NDUFS1: variants seen among roughly 807,000 people sequenced by gnomAD.
The protein encoded by NDUFS1 is NADH-ubiquinone oxidoreductase 75 kDa subunit, mitochondrial.
A neutral mutation model predicts 84.4 loss-of-function variants in NDUFS1; 61 were observed. That is an observed-to-expected ratio of 0.72 (90% CI 0.59 to 0.89). The LOEUF (loss-of-function observed/expected upper bound fraction) is 0.89, where lower values mean the gene tolerates loss of function less well. NDUFS1 is among the 40% of genes least tolerant of loss of function. The probability of loss-of-function intolerance (pLI) is 0.00; values close to 1 mark genes in which losing one functional copy is unlikely to be tolerated. For synonymous variants in NDUFS1, 275 were observed against 290.0 expected, an observed-to-expected ratio of 0.95 and a Z score of 0.53; for missense variants, 891 against 890.0, an observed-to-expected ratio of 1.00 and a Z score of -0.01.
chr2:206,159,134 C>A lies in NDUFS1; in HGVS notation c.-5+207G>T, dbSNP rs904529124. The stretch of plus-strand genomic sequence containing the variant: ...TTCCCGAGGACCCCCTGATCCTCAT[C>A]TTCTTTTCTGCTTCATCAGACCAGA... On this transcript the variant is annotated intron_variant, in intron 1 of 18. Transcript: ENST00000233190. The A allele has an allele frequency of 3.3e-6, 5 of 1,535,618 alleles. No individual in the cohort carries two copies. In the African/African-American group the frequency reaches 6.8e-5, roughly 21 times the overall value.
chr2:206,137,394 G>A (rs184125867), intron 13 of NDUFS1, among the ~76,000 whole-genome samples: 5 of 152,070 alleles, frequency 3.3e-5, no homozygotes, highest in Admixed American at 6.5e-5. Flanking sequence ...GAATGAACCC[G>A]GGAGGCAGAG....
chr2:206,121,563 C>T lies in NDUFS1; in HGVS notation c.*2622G>A, dbSNP rs1219589151. 6.6e-6 allele frequency: 1 copy of T among 151,994 alleles called. No homozygotes were observed. Among genetic ancestry groups the T allele is most frequent in the Non-Finnish European group, 1.5e-5 (1 of 68,034 alleles). 9.4% of individuals were successfully genotyped at this position (151,994 alleles called of 1,614,324 possible). A position where few individuals can be genotyped will look rare whatever the true frequency, so the allele number is the denominator to read the frequency against. Reference sequence around the variant, plus strand: ...TTGACTCTCAGTTCAAGCGATTTTCCTGCTTCAGCCTCCCCAGTAGCTGGG... The same window carrying T: ...TTGACTCTCAGTTCAAGCGATTTTCTTGCTTCAGCCTCCCCAGTAGCTGGG... On this transcript the variant is annotated 3_prime_UTR_variant, in exon 19 of 19. Transcript: ENST00000233190.
At chr2:206,130,793 T>C (rs1466285821) in intron 14 of NDUFS1, among the ~76,000 whole-genome samples, 1 of 152,208 alleles carries the variant, frequency 6.6e-6, no homozygotes, top group Non-Finnish European at 1.5e-5. Context: ...TTGAATGAAA[T>C]AATTCTAGAA....
chr2:206,130,305 G>T, intron 14 of NDUFS1, 63 bp from the exon 15 acceptor site: 2 of 1,562,848 alleles, frequency 1.3e-6, no homozygotes, highest in Non-Finnish European at 1.8e-6. Context: ...AATTAAATGT[G>T]ATTTTTGGAA....
chr2:206,150,036 T>C (rs182731501), intron 3 of NDUFS1, 111 bp from the exon 4 acceptor site: 545 of 712,878 alleles, frequency 7.6e-4, no homozygotes, highest in Middle Eastern at 6.0e-3. Context: ...TATCTATCTA[T>C]CTATCTATCT....
At chr2:206,137,817 C>T (rs1691778617) in intron 13 of NDUFS1, among the ~76,000 whole-genome samples, 1 of 152,162 alleles carries the variant, frequency 6.6e-6, no homozygotes, top group Non-Finnish European at 1.5e-5. Flanking sequence ...TAAGGAATAA[C>T]TCCTTTTGTA....
At chr2:206,154,918 G>A (rs868647930) in intron 1 of NDUFS1, among the ~76,000 whole-genome samples, 10 of 137,206 alleles carry the variant, frequency 7.3e-5, no homozygotes, top group East Asian at 2.1e-4. Context: ...CACCGTGCCC[G>A]GCCCTTTTTT....
At position 206,127,736 on chromosome 2, in the gene NDUFS1, C is replaced by T. The variant is rs1218302843; in HGVS notation, c.1884+61G>A. 3 of 1,552,416 alleles carry T rather than the reference C, an allele frequency of 1.9e-6. No homozygotes were observed. The Admixed American group carries it at 5.0e-5, about 26-fold the overall frequency. On this transcript the variant is annotated intron_variant, in intron 16 of 18. Coordinates refer to ENST00000233190, the MANE Select transcript of NDUFS1 (RefSeq NM_005006.7). ...TCCTTGACTTTGAAAATCATTCTAACAGGCTAAAATATCAAATATGCCTTT... is the reference window on the plus strand; with the variant it reads ...TCCTTGACTTTGAAAATCATTCTAATAGGCTAAAATATCAAATATGCCTTT...
intron 1 of NDUFS1, among the ~76,000 whole-genome samples, chr2:206,154,797 G>C (rs552930468): frequency 6.6e-6 from 1 of 151,452 alleles, no homozygotes. Context: ...CTAATTTTTT[G>C]TATCTTTAGT....
chr2:206,116,117 T>A lies in NDUFS1; in HGVS notation c.*8068A>T. ...TATTTAGTGGTTCCATTTTCACTCC[T>A]CAATAGATTTTATGTATTTCTCATA... is the stretch of plus-strand genomic sequence containing the variant. On this transcript the variant is annotated 3_prime_UTR_variant, in exon 19 of 19. Transcript: ENST00000233190. 3.5e-6 allele frequency: 5 copies of A among 1,417,396 alleles called. No homozygotes were observed. Among genetic ancestry groups the A allele is most frequent in the Non-Finnish European group, 5.0e-6 (5 of 1,002,062 alleles). 87.8% of individuals were successfully genotyped at this position (1,417,396 alleles called of 1,614,324 possible).
chr2:206,159,153 G>A (rs551232252), intron 1 of NDUFS1, 188 bp downstream of exon 1: 1 of 1,535,656 alleles, frequency 6.5e-7, no homozygotes, highest in Non-Finnish European at 8.7e-7. Flanking sequence ...TGCTTCATCA[G>A]ACCAGAGACC....
rs1575931916 is a variant in NDUFS1 at position 206,118,726 on chromosome 2, T to G, written c.*5459A>C. 6.6e-6 allele frequency: 1 copy of G among 152,026 alleles called. No individual in the cohort carries two copies. The highest frequency in any genetic ancestry group is 1.5e-5 in the Non-Finnish European group (1 of 67,986). 9.4% of individuals were successfully genotyped at this position (152,026 alleles called of 1,614,324 possible). A position where few individuals can be genotyped will look rare whatever the true frequency, so the allele number is the denominator to read the frequency against. ...CAGCACTTTGGGAGGCTGAGGCGGGTGAATCACCTGAGGTCAGGGGTTCAA... is the reference window on the plus strand; with the variant it reads ...CAGCACTTTGGGAGGCTGAGGCGGGGGAATCACCTGAGGTCAGGGGTTCAA... On this transcript the variant is annotated 3_prime_UTR_variant, in exon 19 of 19. Coordinates refer to ENST00000233190, the MANE Select transcript of NDUFS1 (RefSeq NM_005006.7).
At chr2:206,132,025 T>G (rs1165513954) in intron 14 of NDUFS1, among the ~76,000 whole-genome samples, 1 of 152,008 alleles carries the variant, frequency 6.6e-6, no homozygotes, top group Non-Finnish European at 1.5e-5. Flanking sequence ...CTTGGGAGGC[T>G]GAGGCAGGAG....
At chr2:206,150,029 C>G in intron 3 of NDUFS1, 104 bp from the exon 4 acceptor site, 2 of 694,366 alleles carry the variant, frequency 2.9e-6, no homozygotes, top group Non-Finnish European at 5.0e-6. Flanking sequence ...TTACTTCTAT[C>G]TATCTATCTA....
At position 206,144,927 on chromosome 2, in the gene NDUFS1, C is replaced by T. The variant is rs1188324246; in HGVS notation, c.837G>A (p.Glu279=). The change falls in exon 9 of 19, where the codon GAG becomes GAA. Residue 279 remains glutamate, a synonymous_variant. Transcript: ENST00000233190. ...EVMRILPRMH[E]DINEEWISDK... Reference sequence around the variant, plus strand: ...CAGAGATCCACTCTTCATTGATGTCCTCATGCATACGTGGCAAAATCCTCA... The same window carrying T: ...CAGAGATCCACTCTTCATTGATGTCTTCATGCATACGTGGCAAAATCCTCA... 4 of 1,613,996 alleles carry T rather than the reference C, an allele frequency of 2.5e-6. No individual in the cohort carries two copies. In the Admixed American group the frequency reaches 6.7e-5, roughly 27 times the overall value.
intron 2 of NDUFS1, 36 bp from the exon 3 acceptor site, chr2:206,152,546 AAC>A: frequency 6.4e-7 from 1 of 1,569,824 alleles, no homozygotes. Flanking sequence ...AAAACAGATT[AAC>A]AGTTTATTAT....
intron 3 of NDUFS1, among the ~76,000 whole-genome samples, chr2:206,151,953 C>T (rs986967860): frequency 2.6e-5 from 4 of 152,162 alleles, no homozygotes; most frequent in Admixed American, 6.5e-5. Context: ...GCAACCTCCG[C>T]CTCCTGGGTT....
At chr2:206,147,455 T>C in intron 7 of NDUFS1, 76 bp downstream of exon 7, 1 of 1,425,480 alleles carries the variant, frequency 7.0e-7, no homozygotes, top group Non-Finnish European at 9.5e-7. Context: ...TTCTTTCCAA[T>C]GTTATTATTC....
intron 18 of NDUFS1, 26 bp downstream of exon 18, chr2:206,126,513 G>C (rs1345528120): frequency 6.2e-7 from 1 of 1,603,414 alleles, no homozygotes; most frequent in African/African-American, 1.3e-5. Context: ...TTCGTATTTG[G>C]CAGAGTCATG....
Sources: allele counts gnomAD v4.1 joint callset (sites outside exome capture counted in the v4.1 genomes callset), GRCh38; gene constraint gnomAD v4.1.1; transcripts MANE v1.5; gene names NCBI Gene and HGNC (gene_info 2026-07-23, HGNC 2026-07-21).